The following AGBL4 variants were observed in gnomAD, a reference collection of about 807,000 sequenced individuals.
AGBL4 encodes AGBL carboxypeptidase 4.
Under a neutral mutation model 66.4 loss-of-function variants are expected in AGBL4, and 58 were observed. The ratio of observed to expected loss-of-function variants is 0.87; its 90% CI spans 0.71 to 1.09. The LOEUF (loss-of-function observed/expected upper bound fraction) is 1.09. AGBL4 is among the 50% of genes least tolerant of loss of function. The pLI is 0.00. For missense variants in AGBL4, 579 were observed against 631.0 expected (o/e 0.92, Z 0.88); for synonymous variants, 234 against 222.9 (o/e 1.05, Z -0.44).
intron 5 of AGBL4, among the ~76,000 whole-genome samples, chr1:48,876,506 G>T (rs1178197692): frequency 3.9e-5 from 6 of 152,116 alleles, no homozygotes; most frequent in Non-Finnish European, 5.9e-5. Context: ...GTCATGTGGG[G>T]ACCTGCAAGA....
At chr1:49,478,293 TA>T (rs922857381) in intron 3 of AGBL4, among the ~76,000 whole-genome samples, 1 of 150,146 alleles carries the variant, frequency 6.7e-6, no homozygotes, top group Non-Finnish European at 1.5e-5. Context: ...AGGTCAAGGA[TA>T]AAAAAAGGAC....
intron 5 of AGBL4, among the ~76,000 whole-genome samples, chr1:48,951,764 A>G (rs189902280): frequency 1.3e-3 from 200 of 152,346 alleles, no homozygotes; most frequent in African/African-American, 2.9e-3. Flanking sequence ...ATGGTATTTT[A>G]TGATAGCAGC....
chr1:49,613,892 G>A (rs139707736), intron 3 of AGBL4, among the ~76,000 whole-genome samples: 173 of 152,248 alleles, frequency 1.1e-3, no homozygotes, highest in African/African-American at 4.1e-3. Context: ...CAAAAAGCTT[G>A]GGGATTGCTG....
chr1:48,653,420 A>C lies in AGBL4; in HGVS notation c.756T>G (p.Pro252=), dbSNP rs1454060211. ...GGTATTCCCGGAGGACACAGGCAATAGGGTGCTGGCTTACAAGGAAGTCAA... is the reference window on the plus strand; with the variant it reads ...GGTATTCCCGGAGGACACAGGCAATCGGGTGCTGGCTTACAAGGAAGTCAA... ...GIIDFLVSQH[P]IACVLREYLV... The change falls in exon 8 of 14, where the codon CCT becomes CCG. Residue 252 remains proline, a synonymous_variant. Coordinates refer to ENST00000371839, the MANE Select transcript of AGBL4 (RefSeq NM_032785.4). The C allele has an allele frequency of 1.3e-6, 2 of 1,585,506 alleles. No homozygotes were observed. The highest frequency in any genetic ancestry group is 8.6e-7 in the Non-Finnish European group (1 of 1,165,126).
At chr1:48,964,587 T>C (rs1658269120) in intron 5 of AGBL4, among the ~76,000 whole-genome samples, 2 of 152,218 alleles carry the variant, frequency 1.3e-5, no homozygotes, top group South Asian at 2.1e-4. Flanking sequence ...TACATAGATA[T>C]GAATTCCTTC....
At chr1:49,046,808 C>G (rs1326448361) in intron 4 of AGBL4, among the ~76,000 whole-genome samples, 1 of 152,132 alleles carries the variant, frequency 6.6e-6, no homozygotes, top group Non-Finnish European at 1.5e-5. Flanking sequence ...AAGTCTTAAC[C>G]ACCAAGGTTG....
At chr1:49,603,181 T>C (rs1644994659) in intron 3 of AGBL4, among the ~76,000 whole-genome samples, 1 of 151,920 alleles carries the variant, frequency 6.6e-6, no homozygotes, top group Admixed American at 6.6e-5. Context: ...AGGTGGGAAG[T>C]GGTGGTAAAG....
At chr1:49,791,974 A>G (rs1433454069) in intron 2 of AGBL4, among the ~76,000 whole-genome samples, 2 of 152,102 alleles carry the variant, frequency 1.3e-5, no homozygotes, top group Admixed American at 1.3e-4. Flanking sequence ...ATAAATTTGT[A>G]TTAAATAAAT....
At chr1:49,662,155 G>C (rs1646281681) in intron 3 of AGBL4, among the ~76,000 whole-genome samples, 1 of 150,876 alleles carries the variant, frequency 6.6e-6, no homozygotes, top group African/African-American at 2.4e-5. Flanking sequence ...AAACTTTTGG[G>C]CTAATGAATA....
chr1:49,392,559 G>T (rs531138826), intron 3 of AGBL4, among the ~76,000 whole-genome samples: 1 of 152,176 alleles, frequency 6.6e-6, no homozygotes, highest in African/African-American at 2.4e-5. Flanking sequence ...ATTTTAGTTC[G>T]TTAGTTCCTT....
At chr1:48,690,377 A>G (rs1646610122) in intron 6 of AGBL4, among the ~76,000 whole-genome samples, 1 of 152,134 alleles carries the variant, frequency 6.6e-6, no homozygotes, top group African/African-American at 2.4e-5. Flanking sequence ...ATAGATGCAA[A>G]AATAAGGAGG....
intron 3 of AGBL4, among the ~76,000 whole-genome samples, chr1:49,255,768 C>G (rs919808736): frequency 6.6e-6 from 1 of 152,142 alleles, no homozygotes; most frequent in Middle Eastern, 3.4e-3. Flanking sequence ...AACTAAATGC[C>G]CATCAATGAT....
intron 3 of AGBL4, among the ~76,000 whole-genome samples, chr1:49,258,892 AG>A (rs1324808476): frequency 6.6e-6 from 1 of 152,208 alleles, no homozygotes; most frequent in Non-Finnish European, 1.5e-5. Context: ...AAAAATCTTA[AG>A]GGCAGCCAGA....
chr1:49,626,807 A>C (rs2124332978), intron 3 of AGBL4, among the ~76,000 whole-genome samples: 1 of 152,330 alleles, frequency 6.6e-6, no homozygotes, highest in Middle Eastern at 3.4e-3. Context: ...TCATCATTAT[A>C]GTTCCAGGGT....
At chr1:49,127,168 T>C (rs993335494) in intron 4 of AGBL4, among the ~76,000 whole-genome samples, 5 of 152,180 alleles carry the variant, frequency 3.3e-5, no homozygotes, top group African/African-American at 1.2e-4. Flanking sequence ...GTGAGCCTTG[T>C]CATCACCAGG....
At chr1:48,729,081 T>C (rs1360916067) in intron 6 of AGBL4, among the ~76,000 whole-genome samples, 1 of 152,122 alleles carries the variant, frequency 6.6e-6, no homozygotes, top group Non-Finnish European at 1.5e-5. Context: ...CCTCACTTCA[T>C]AAATAAGGAT....
At chr1:49,483,077 G>A (rs1646989971) in intron 3 of AGBL4, among the ~76,000 whole-genome samples, 1 of 152,032 alleles carries the variant, frequency 6.6e-6, no homozygotes, top group African/African-American at 2.4e-5. Context: ...GTGGAAATGA[G>A]AAGAATGTAT....
At chr1:50,009,079 C>T (rs1021623102) in intron 1 of AGBL4, among the ~76,000 whole-genome samples, 1 of 152,110 alleles carries the variant, frequency 6.6e-6, no homozygotes, top group South Asian at 2.1e-4. Flanking sequence ...ATTTAAAGAA[C>T]TAACACCAAT....
intron 6 of AGBL4, among the ~76,000 whole-genome samples, chr1:48,697,047 T>C (rs1289623658): frequency 3.3e-5 from 5 of 152,152 alleles, no homozygotes; most frequent in Admixed American, 3.3e-4. Context: ...GCAGACTCTT[T>C]GAGGGCAGGG....
Sources: gnomAD v4.1 joint callset for allele counts (sites outside exome capture counted in the v4.1 genomes callset) on GRCh38, gnomAD v4.1.1 for gene constraint, MANE v1.5 for transcripts, NCBI Gene and HGNC (gene_info 2026-07-23, HGNC 2026-07-21) for gene names.